HAGH: variants seen among roughly 807,000 people sequenced by gnomAD.
The protein encoded by HAGH is hydroxyacylglutathione hydrolase, mitochondrial.
Under a neutral mutation model 35.1 loss-of-function variants are expected in HAGH, and 29 were observed. The ratio of observed to expected loss-of-function variants is 0.83; its 90% confidence interval spans 0.62 to 1.13. HAGH has a LOEUF of 1.13. Among genes scored for constraint, HAGH ranks in the 50% most tolerant of loss-of-function variants. HAGH has a pLI of 0.00. For synonymous variants in HAGH, 225 were observed against 176.1 expected, an observed-to-expected ratio of 1.28 and a Z score of -2.20; for missense variants, 478 against 419.6, an observed-to-expected ratio of 1.14 and a Z score of -1.22.
In HAGH at chr16:1,815,425, T is replaced by C. The variant is rs115451754; in HGVS notation, c.747+1468A>G. On this transcript the variant is annotated intron_variant, in intron 7 of 8. Transcript: ENST00000397356. The stretch of plus-strand genomic sequence containing the variant: ...TAGCAAAAAACTGGAAACAGACAAA[T>C]GCATAAACAAATTGTAGCATTTCCA... Among the ~76,000 whole-genome samples the C allele has an allele frequency of 4.3e-3, 648 of 152,236 alleles. 5 individuals carry two copies. The highest frequency in any genetic ancestry group is 0.015 in the African/African-American group (622 of 41,532).
chr16:1,819,891 C>T lies in HAGH; in HGVS notation c.432+6G>A. On this transcript the variant is annotated splice_donor_region_variant and intron_variant, in intron 4 of 8. Transcript: ENST00000397356. ...CGCTGGAGCACCTCCAGGGCTCACT[C>T]CTTACCTGCAGTGTGGACAGGTGAG... 3 of 1,574,194 alleles carry T rather than the reference C, an allele frequency of 1.9e-6. No individual in the cohort carries two copies. The highest frequency in any genetic ancestry group is 1.7e-6 in the Non-Finnish European group (2 of 1,144,078).
Position 1,807,822 on chromosome 16 carries a change from C to CT in HAGH, c.*1460dup, listed in dbSNP as rs1567248317. 1 of 134,112 alleles carries CT rather than the reference C, an allele frequency of 7.5e-6. No homozygotes were observed. The highest frequency in any genetic ancestry group is 2.9e-5 in the African/African-American group (1 of 34,516). The allele number at this position is 134,112 out of a possible 1,614,324, so 8.3% of individuals were successfully genotyped here. A position where few individuals can be genotyped will look rare whatever the true frequency, so the allele number is the denominator to read the frequency against. ...GAGTATGCGAACAGACCAGTGACCC[C>CT]TCCGGGGGGAGGGCATGCATGTGGT... On this transcript the variant is annotated 3_prime_UTR_variant, in exon 9 of 9. Transcript: ENST00000397356.
chr16:1,811,759 G>A (rs1897658167), intron 7 of HAGH, among the ~76,000 whole-genome samples: 1 of 152,166 alleles, frequency 6.6e-6, no homozygotes, highest in African/African-American at 2.4e-5. Flanking sequence ...TTGCAGCACA[G>A]CTCAGAAGAG....
intron 1 of HAGH, among the ~76,000 whole-genome samples, chr16:1,824,767 T>C (rs1898319793): frequency 6.6e-6 from 1 of 152,174 alleles, no homozygotes; most frequent in Non-Finnish European, 1.5e-5. Context: ...GATATCCTAT[T>C]ACCCGCCTGA....
Position 1,807,824 on chromosome 16 carries a change from C to G in HAGH, c.*1459G>C, listed in dbSNP as rs548374635. ...GTATGCGAACAGACCAGTGACCCCT[C>G]CGGGGGGAGGGCATGCATGTGGTCT... is the stretch of plus-strand genomic sequence containing the variant. On this transcript the variant is annotated 3_prime_UTR_variant, in exon 9 of 9. Transcript: ENST00000397356. 7.8e-6 allele frequency: 1 copy of G among 127,472 alleles called. No homozygotes were observed. The highest frequency in any genetic ancestry group is 2.3e-4 in the East Asian group (1 of 4,400). 7.9% of individuals were successfully genotyped at this position (127,472 alleles called of 1,614,324 possible).
chr16:1,823,449 T>C (rs1030039154), intron 1 of HAGH, among the ~76,000 whole-genome samples: 14 of 151,916 alleles, frequency 9.2e-5, no homozygotes, highest in Admixed American at 5.3e-4. Flanking sequence ...TTGTATTTTT[T>C]AGTAGAGACG....
chr16:1,826,288 A>C (rs1898413224), intron 1 of HAGH, among the ~76,000 whole-genome samples: 1 of 150,698 alleles, frequency 6.6e-6, no homozygotes, highest in African/African-American at 2.4e-5. Context: ...CAGCTCCACC[A>C]CCGCAGGCGG....
intron 7 of HAGH, 160 bp from the exon 8 acceptor site, chr16:1,809,993 G>A (rs1897566869): frequency 1.6e-6 from 1 of 614,638 alleles, no homozygotes; most frequent in South Asian, 1.9e-5. Flanking sequence ...GCGAGACCCT[G>A]TGTCTACTAA....
chr16:1,827,108 G>A (rs1898478106), upstream of HAGH: 3 of 1,350,942 alleles, frequency 2.2e-6, no homozygotes, highest in Non-Finnish European at 3.0e-6. Flanking sequence ...CGGGTACCCG[G>A]CAGATCGCGA....
chr16:1,824,121 C>T (rs1270638700), intron 1 of HAGH, among the ~76,000 whole-genome samples: 2 of 151,892 alleles, frequency 1.3e-5, no homozygotes, highest in Non-Finnish European at 1.5e-5. Flanking sequence ...TGACGGCAGG[C>T]TGAGGCAGGA....
chr16:1,809,461 G>A lies in HAGH; in HGVS notation c.828-79C>T, dbSNP rs765519858. On this transcript the variant is annotated intron_variant, in intron 8 of 8. Transcript: ENST00000397356. ...AGCCAGGGCCACTGCAGAGGAAGGC[G>A]ACTCGTGCTGGCCGAGCCCAGCCCT... 6.6e-5 allele frequency: 80 copies of A among 1,206,550 alleles called. No individual in the cohort carries two copies. In the South Asian group the frequency reaches 8.2e-4, roughly 12 times the overall value. 74.7% of individuals were successfully genotyped at this position (1,206,550 alleles called of 1,614,324 possible).
intron 7 of HAGH, chr16:1,810,162 A>AC: frequency 9.2e-6 from 2 of 218,250 alleles, no homozygotes; most frequent in Non-Finnish European, 1.7e-5. Flanking sequence ...CACGTCTCAA[A>AC]AAATGCTTCA....
upstream of HAGH, chr16:1,827,101 G>A (rs1898477595): frequency 3.0e-6 from 4 of 1,314,350 alleles, no homozygotes; most frequent in South Asian, 4.3e-5. Context: ...CGCCGCCCGG[G>A]TACCCGGCAG....
intron 7 of HAGH, chr16:1,810,560 C>T (rs1161668207): frequency 1.3e-5 from 2 of 152,544 alleles, no homozygotes; most frequent in Non-Finnish European, 2.9e-5. Flanking sequence ...CAGCACTGAC[C>T]AGGGCAGATG....
chr16:1,810,402 A>C (rs1475402866), intron 7 of HAGH: 1 of 152,880 alleles, frequency 6.5e-6, no homozygotes, highest in Admixed American at 6.5e-5. Flanking sequence ...AATGCAGGAG[A>C]CACAGAAAAG....
intron 1 of HAGH, among the ~76,000 whole-genome samples, chr16:1,823,425 A>G (rs1259158330): frequency 4.0e-5 from 6 of 151,122 alleles, no homozygotes; most frequent in Admixed American, 3.3e-4. Flanking sequence ...CCGCCACCAT[A>G]CCCGGCTAAT....
chr16:1,819,378 G>A lies in HAGH; in HGVS notation c.433-155C>T, dbSNP rs538607715. On this transcript the variant is annotated intron_variant, in intron 4 of 8. Transcript: ENST00000397356. ...GGTGCTCCCCACCACGGGACTGGGGGACTCGCTCACTCCATGGGTGCGCCC... is the reference window on the plus strand; with the variant it reads ...GGTGCTCCCCACCACGGGACTGGGGAACTCGCTCACTCCATGGGTGCGCCC... Among the ~76,000 whole-genome samples, 13 of 152,354 alleles carry A rather than the reference G, an allele frequency of 8.5e-5. No individual in the cohort carries two copies. In the South Asian group the frequency reaches 2.7e-3, roughly 32 times the overall value.
rs2142048521 is a variant in HAGH, at chr16:1,822,286, G to C, written c.314+14C>G. Reference sequence around the variant, plus strand: ...AGCCAGGTCCCACACCCCCAGGTGAGACGCGGCACTTACCAGTGGTGGTGG... The same window carrying C: ...AGCCAGGTCCCACACCCCCAGGTGACACGCGGCACTTACCAGTGGTGGTGG... On this transcript the variant is annotated intron_variant, in intron 3 of 8. Transcript: ENST00000397356. The C allele has an allele frequency of 6.3e-7, 1 of 1,585,408 alleles. No individual in the cohort carries two copies.
At position 1,822,929 on chromosome 16, in the gene HAGH, A is replaced by G. The variant is rs1243211813; in HGVS notation, c.185T>C (p.Met62Thr). The G allele has an allele frequency of 3.1e-6, 5 of 1,613,690 alleles. No homozygotes were observed. The highest frequency in any genetic ancestry group is 3.3e-5 in the Admixed American group (2 of 59,996). ...EVLPALTDNYMYLVIDDETKE... is the reference protein window; with the variant it reads ...EVLPALTDNYTYLVIDDETKE... ...GGTCTCATCATCAATGACCAGGTACATGTAGTTGTCGGTCAGGGCAGGCAG... is the reference window on the plus strand; with the variant it reads ...GGTCTCATCATCAATGACCAGGTACGTGTAGTTGTCGGTCAGGGCAGGCAG... Residue 62 changes from methionine (M) to threonine (T), a missense_variant, in exon 2 of 9, where the codon ATG becomes ACG. By Grantham distance (81) the Met-to-Thr change is moderately conservative. Transcript: ENST00000397356.
Sources: allele counts gnomAD v4.1 joint callset (sites outside exome capture counted in the v4.1 genomes callset), GRCh38; gene constraint gnomAD v4.1.1; transcripts MANE v1.5; gene names NCBI Gene and HGNC (gene_info 2026-07-23, HGNC 2026-07-21).